The following FLNB variants were observed in gnomAD, a reference collection of about 807,000 sequenced individuals.
The protein encoded by FLNB is filamin-B.
In FLNB, 111 loss-of-function variants were observed where a neutral mutation model predicts 250.6. The ratio of observed to expected loss-of-function variants is 0.44; its 90% CI spans 0.38 to 0.52. The LOEUF is 0.52. FLNB is among the 20% of genes least tolerant of loss of function. The pLI, the probability that FLNB is intolerant of heterozygous loss-of-function variation, is 0.00. For synonymous variants in FLNB, 1,302 were observed against 1,372.1 expected (o/e 0.95, Z 1.13); for missense variants, 2,869 against 3,447.8 (o/e 0.83, Z 4.20).
Position 58,112,152 on chromosome 3 carries a change from T to A in FLNB, c.2579T>A (p.Val860Glu). ...ACTTCACAGTATATCTTTCCAGGTG[T>A]GGAAAATGGGAAACCGACCCACTTC... ...AEGPGLSKAG[V>E]ENGKPTHFTV... The change falls in exon 18 of 46, where the codon GTG (valine) becomes GAG (glutamate). Residue 860 changes from valine (V) to glutamate (E), a missense_variant. Around this residue, in one of 5 missense-constraint regions of FLNB, gnomAD observed 1,348 missense variants for 1,466.7 expected, o/e 0.92. Transcript: ENST00000295956. The A allele has an allele frequency of 1.2e-6, 2 of 1,613,940 alleles. No homozygotes were observed. Among genetic ancestry groups the A allele is most frequent in the Non-Finnish European group, 1.7e-6 (2 of 1,179,932 alleles).
chr3:58,156,017 T>G lies in FLNB; in HGVS notation c.6830T>G (p.Leu2277Arg). The G allele has an allele frequency of 3.1e-6, 5 of 1,614,206 alleles. No homozygotes were observed. Among genetic ancestry groups the G allele is most frequent in the Non-Finnish European group, 4.2e-6 (5 of 1,180,030 alleles). ...GAGCACATCCCGGAAAGCCCCTACC[T>G]GGTGCCGGTCATCGCACCCTCCGAC... ...NDEHIPESPY[L>R]VPVIAPSDDA... Residue 2277 changes from leucine to arginine, a missense_variant, in exon 41 of 46, where the codon CTG (leucine) becomes CGG (arginine). Leu to Arg is a moderately radical substitution (Grantham distance 102). Around this residue, in one of 5 missense-constraint regions of FLNB, gnomAD observed 1,084 missense variants for 1,315.5 expected, o/e 0.82. Coordinates refer to ENST00000295956, the MANE Select transcript of FLNB (RefSeq NM_001457.4).
At chr3:58,036,203 T>C (rs1234836906) in intron 1 of FLNB, among the ~76,000 whole-genome samples, 1 of 152,176 alleles carries the variant, frequency 6.6e-6, no homozygotes, top group African/African-American at 2.4e-5. Context: ...GACCCCAGTT[T>C]TGTAACCACC....
intron 26 of FLNB, 52 bp downstream of exon 26, chr3:58,132,983 C>A (rs1187763645): frequency 1.3e-6 from 2 of 1,566,570 alleles, no homozygotes; most frequent in Admixed American, 3.7e-5. Context: ...ATCTGTCCAC[C>A]CATCCATTCC....
At position 58,032,150 on chromosome 3, in the gene FLNB, G is replaced by T. The variant is rs1435716016; in HGVS notation, c.292+23294G>T. On this transcript the variant is annotated intron_variant, in intron 1 of 45. Transcript: ENST00000295956. Reference sequence around the variant, plus strand: ...GGTAGAGACAGGGTTGCCCAGGCTGGTCTTGAACTCCTGAGCTCAAGCAAT... The same window carrying T: ...GGTAGAGACAGGGTTGCCCAGGCTGTTCTTGAACTCCTGAGCTCAAGCAAT... 5.3e-5 allele frequency among the ~76,000 whole-genome samples: 8 copies of T among 151,982 alleles called. No homozygotes were observed. The East Asian group carries it at 1.5e-3, about 29-fold the overall frequency.
At chr3:58,089,546 CAA>C (rs75200893) in intron 4 of FLNB, among the ~76,000 whole-genome samples, 13 of 59,622 alleles carry the variant, frequency 2.2e-4, no homozygotes, top group Middle Eastern at 9.1e-3. Flanking sequence ...GACTCCATCT[CAA>C]AAAAAAAAAA....
Position 58,121,346 on chromosome 3 carries a change from C to T in FLNB, c.2969C>T (p.Pro990Leu). 6.2e-7 allele frequency: 1 copy of T among 1,614,158 alleles called. No homozygotes were observed. The highest frequency in any genetic ancestry group is 8.5e-7 in the Non-Finnish European group (1 of 1,180,028). ...TILSPSRKVV[P>L]CLVTPVTGRE... ...CTCAGCCCCTCTCGGAAGGTCGTGCCATGCCTAGTGACACCTGTGACAGGC... is the reference window on the plus strand; with the variant it reads ...CTCAGCCCCTCTCGGAAGGTCGTGCTATGCCTAGTGACACCTGTGACAGGC... The change falls in exon 20 of 46, where the codon CCA (proline) becomes CTA (leucine). Residue 990 changes from proline (P) to leucine (L), a missense_variant. Physicochemically the swap from Pro to Leu is moderately conservative, Grantham distance 98 (BLOSUM62 -3). Coordinates refer to ENST00000295956, the MANE Select transcript of FLNB (RefSeq NM_001457.4).
At chr3:58,168,849 A>G (rs2097375629) in intron 44 of FLNB, 191 bp downstream of exon 44, 1 of 634,544 alleles carries the variant, frequency 1.6e-6, no homozygotes, top group Non-Finnish European at 2.9e-6. Context: ...GGAGCCGTGC[A>G]GAAGTTGAGA....
rs146859540 is a variant in FLNB at position 58,106,862 on chromosome 3, A to G, written c.1930A>G (p.Asn644Asp). ...CATCCACCCAGCCACGGGAGGCTAC[A>G]ACCCTGATCTGGTGAATCAGCTGCT... ...AFIHPATGGY[N>D]PDLVRAYGPG... Residue 644 changes from asparagine to aspartate, a missense_variant, in exon 12 of 46, where the codon AAC becomes GAC. Transcript: ENST00000295956. 3.3e-5 allele frequency: 53 copies of G among 1,613,658 alleles called. No homozygotes were observed. The African/African-American group carries it at 6.5e-4, about 20-fold the overall frequency.
Position 58,119,212 on chromosome 3 carries a change from G to T in FLNB, c.2863+223G>T, listed in dbSNP as rs187261708. Among the ~76,000 whole-genome samples the T allele has an allele frequency of 1.2e-3, 181 of 152,170 alleles. 2 individuals are homozygous for T. The highest frequency in any genetic ancestry group is 2.9e-5 in the Non-Finnish European group (2 of 68,000). ...ACTCAGCTTTCTCATTTGTACAGTG[G>T]GGGGTGGTCGGCGGGGAGAGGTTGA... On this transcript the variant is annotated intron_variant, in intron 19 of 45. Transcript: ENST00000295956.
rs1576734074 is a variant in FLNB, at chr3:58,109,608, G to A, written c.2232G>A (p.Lys744=). 3 of 1,614,060 alleles carry A rather than the reference G, an allele frequency of 1.9e-6. No homozygotes were observed. Among genetic ancestry groups the A allele is most frequent in the Non-Finnish European group, 2.5e-6 (3 of 1,180,044 alleles). The change falls in exon 15 of 46, where the codon AAG becomes AAA. Residue 744 remains lysine, a synonymous_variant. Transcript: ENST00000295956. The part of the protein sequence containing the change: ...VNIGQGSHPQ[K]VKVFGPGVER... ...TCGGGCAAGGTAGCCATCCTCAGAA[G>A]GTCAAAGTGTTTGGGCCAGGTGTGG...
chr3:58,153,301 C>A (rs1481049514), intron 38 of FLNB, 74 bp from the exon 39 acceptor site: 2 of 1,564,542 alleles, frequency 1.3e-6, no homozygotes, highest in Non-Finnish European at 1.8e-6. Flanking sequence ...CGGCTGCTTG[C>A]CCTGCATGTC....
At position 58,149,931 on chromosome 3, in the gene FLNB, A is replaced by G. The variant is rs141698427; in HGVS notation, c.6173A>G (p.Lys2058Arg). The change falls in exon 37 of 46, where the codon AAA becomes AGA. Residue 2058 changes from lysine to arginine, a missense_variant. By Grantham distance (26) the Lys-to-Arg change is conservative. Around this residue, in one of 5 missense-constraint regions of FLNB, gnomAD observed 1,084 missense variants for 1,315.5 expected, o/e 0.82. Coordinates refer to ENST00000295956, the MANE Select transcript of FLNB (RefSeq NM_001457.4). ...QTEDLEDGTC[K>R]VSYFPTVPGV... ...GAGGACCTGGAAGATGGCACCTGCA[A>G]AGTCTCCTACTTCCCTACCGTGCCT... 127 of 1,614,204 alleles carry G rather than the reference A, an allele frequency of 7.9e-5. No individual in the cohort carries two copies. The African/African-American group carries it at 1.4e-3, about 18-fold the overall frequency.
chr3:58,075,244 C>G (rs1000761413), intron 1 of FLNB, among the ~76,000 whole-genome samples: 2 of 152,120 alleles, frequency 1.3e-5, no homozygotes, highest in African/African-American at 4.8e-5. Flanking sequence ...ATGCAGATAG[C>G]TCAGTCACTC....
intron 31 of FLNB, among the ~76,000 whole-genome samples, 153 bp from the exon 32 acceptor site, chr3:58,143,320 G>A (rs899113856): frequency 6.6e-6 from 1 of 152,142 alleles, no homozygotes; most frequent in African/African-American, 2.4e-5. Flanking sequence ...AGAGCAAATG[G>A]TCTCTCCCAT....
In FLNB at chr3:58,048,810, G is replaced by A. The variant is rs1437841405; in HGVS notation, c.293-28236G>A. On this transcript the variant is annotated intron_variant, in intron 1 of 45. Coordinates refer to ENST00000295956, the MANE Select transcript of FLNB (RefSeq NM_001457.4). ...ACACATGGCTCTTACATAATCAGCAGTTAATTGTTTGTATGTGTGTTAATT... is the reference window on the plus strand; with the variant it reads ...ACACATGGCTCTTACATAATCAGCAATTAATTGTTTGTATGTGTGTTAATT... Among the ~76,000 whole-genome samples the A allele has an allele frequency of 6.6e-5, 10 of 152,338 alleles. No homozygotes were observed. The East Asian group carries it at 1.9e-3, about 29-fold the overall frequency.
chr3:58,125,131 G>A (rs192815406), intron 22 of FLNB, among the ~76,000 whole-genome samples: 107 of 152,138 alleles, frequency 7.0e-4, no homozygotes, highest in Non-Finnish European at 1.1e-3. Flanking sequence ...CATTACTGTG[G>A]GATTGTTTTG....
intron 1 of FLNB, among the ~76,000 whole-genome samples, chr3:58,039,247 G>A (rs2097142667): frequency 6.7e-6 from 1 of 150,010 alleles, no homozygotes; most frequent in African/African-American, 2.5e-5. Context: ...ACTGTTGAAT[G>A]GAAAATCAGA....
intron 1 of FLNB, among the ~76,000 whole-genome samples, chr3:58,041,479 C>A (rs2097145916): frequency 6.6e-6 from 1 of 152,146 alleles, no homozygotes; most frequent in African/African-American, 2.4e-5. Flanking sequence ...GAGGTTGTGG[C>A]TGGACTCAGA....
intron 24 of FLNB, among the ~76,000 whole-genome samples, chr3:58,127,262 G>A (rs1374244701): frequency 6.6e-6 from 1 of 151,942 alleles, no homozygotes; most frequent in East Asian, 1.9e-4. Context: ...GAGCCTGGGA[G>A]GTTGAGTGAG....
Sources: gnomAD v4.1 joint callset for allele counts (sites outside exome capture counted in the v4.1 genomes callset) on GRCh38, gnomAD v4.1.1 for gene constraint, gnomAD v4.1.1 regional missense constraint, MANE v1.5 for transcripts, NCBI Gene and HGNC (gene_info 2026-07-23, HGNC 2026-07-21) for gene names.